ZCCHC17: variants seen among roughly 807,000 people sequenced by gnomAD.
ZCCHC17 encodes the protein zinc finger CCHC-type containing 17, also known as zinc finger CCHC domain-containing protein 17.
Under a neutral mutation model 30.6 loss-of-function variants are expected in ZCCHC17, and 18 were observed. The observed-to-expected ratio is 0.59, with a 90% CI of 0.41 to 0.87. The LOEUF (loss-of-function observed/expected upper bound fraction) is 0.87, where lower values mean the gene tolerates loss of function less well. Ranked by LOEUF, ZCCHC17 falls within the 40% of genes least tolerant of loss-of-function variation. ZCCHC17 has a pLI of 0.00. For synonymous variants in ZCCHC17, 88 were observed against 92.4 expected (o/e 0.95, Z 0.27); for missense variants, 263 against 284.2 (o/e 0.93, Z 0.54).
chr1:31,335,332 A>C (rs1015824754), intron 3 of ZCCHC17, among the ~76,000 whole-genome samples: 1 of 152,228 alleles, frequency 6.6e-6, no homozygotes, highest in Non-Finnish European at 1.5e-5. Flanking sequence ...GACAGACAGG[A>C]AAAGGATGTT....
At chr1:31,350,252 G>A (rs994463727) in intron 7 of ZCCHC17, among the ~76,000 whole-genome samples, 1 of 152,122 alleles carries the variant, frequency 6.6e-6, no homozygotes, top group Non-Finnish European at 1.5e-5. Flanking sequence ...CTTTTGTTGA[G>A]GGGTCATTTT....
At chr1:31,312,877 A>G (rs1646638724) in intron 2 of ZCCHC17, among the ~76,000 whole-genome samples, 1 of 151,484 alleles carries the variant, frequency 6.6e-6, no homozygotes, top group Non-Finnish European at 1.5e-5. Context: ...GGTTCAAGCA[A>G]TTCTCCTGCC....
intron 4 of ZCCHC17, 71 bp downstream of exon 4, chr1:31,337,346 TAGTG>T: frequency 4.5e-6 from 6 of 1,328,374 alleles, no homozygotes; most frequent in South Asian, 2.5e-5. Flanking sequence ...TATTTTATGA[TAGTG>T]AGTGTGTAAA....
intron 1 of ZCCHC17, among the ~76,000 whole-genome samples, chr1:31,303,434 A>G (rs1342230255): frequency 1.3e-5 from 2 of 152,240 alleles, no homozygotes; most frequent in African/African-American, 4.8e-5. Flanking sequence ...GTTCTAGTCA[A>G]TTAGTACTCA....
intron 7 of ZCCHC17, among the ~76,000 whole-genome samples, chr1:31,356,659 A>C (rs1369036085): frequency 6.6e-6 from 1 of 152,198 alleles, no homozygotes. Flanking sequence ...GGCGATAATG[A>C]AAGGAGCAGG....
At chr1:31,317,485 C>A (rs1646764545) in intron 2 of ZCCHC17, among the ~76,000 whole-genome samples, 1 of 152,182 alleles carries the variant, frequency 6.6e-6, no homozygotes, top group Admixed American at 6.5e-5. Context: ...TTGTTATCTG[C>A]AGCAGCAAAG....
intron 3 of ZCCHC17, among the ~76,000 whole-genome samples, chr1:31,334,541 T>C (rs1638740435): frequency 1.3e-5 from 2 of 152,194 alleles, no homozygotes; most frequent in Admixed American, 6.5e-5. Context: ...TCCTCTATTA[T>C]TATTTATTAT....
intron 3 of ZCCHC17, among the ~76,000 whole-genome samples, chr1:31,331,925 A>G (rs1327103301): frequency 6.6e-6 from 1 of 152,092 alleles, no homozygotes; most frequent in Non-Finnish European, 1.5e-5. Flanking sequence ...GGATTTTTTT[A>G]TGAGGAAGTG....
At chr1:31,344,507 T>G (rs1639167346) in intron 5 of ZCCHC17, among the ~76,000 whole-genome samples, 1 of 152,140 alleles carries the variant, frequency 6.6e-6, no homozygotes, top group South Asian at 2.1e-4. Context: ...TCAGAATCTG[T>G]GCTGGGATGG....
intron 3 of ZCCHC17, among the ~76,000 whole-genome samples, chr1:31,336,805 C>T (rs1269901189): frequency 3.3e-5 from 5 of 150,918 alleles, no homozygotes; most frequent in African/African-American, 1.2e-4. Context: ...GCTAGAGCTA[C>T]AGACACGTGC....
At chr1:31,318,049 A>G in intron 2 of ZCCHC17, 2 of 749,130 alleles carry the variant, frequency 2.7e-6, no homozygotes, top group Non-Finnish European at 4.1e-6. Flanking sequence ...AACTCTGTAC[A>G]GTGACATAAG....
At chr1:31,356,462 A>G (rs1192722530) in intron 7 of ZCCHC17, among the ~76,000 whole-genome samples, 1 of 152,252 alleles carries the variant, frequency 6.6e-6, no homozygotes, top group Non-Finnish European at 1.5e-5. Context: ...GAAATAGCCC[A>G]GGATAAGGAA....
At chr1:31,311,508 C>T (rs1262867645) in intron 2 of ZCCHC17, among the ~76,000 whole-genome samples, 1 of 152,304 alleles carries the variant, frequency 6.6e-6, no homozygotes, top group East Asian at 1.9e-4. Flanking sequence ...TTATAAAGAA[C>T]AGAAATTTAT....
intron 7 of ZCCHC17, among the ~76,000 whole-genome samples, chr1:31,362,192 A>G (rs554791956): frequency 6.6e-6 from 1 of 152,348 alleles, no homozygotes; most frequent in African/African-American, 2.4e-5. Flanking sequence ...CGGATGCAGA[A>G]TAGTAAATGG....
chr1:31,343,989 G>T (rs1016653853), intron 5 of ZCCHC17, among the ~76,000 whole-genome samples: 2 of 151,350 alleles, frequency 1.3e-5, no homozygotes, highest in African/African-American at 4.9e-5. Flanking sequence ...CGAGTAGCTG[G>T]GATTACAGGC....
chr1:31,325,772 G>A (rs1014768390), intron 3 of ZCCHC17, among the ~76,000 whole-genome samples: 2 of 152,206 alleles, frequency 1.3e-5, no homozygotes, highest in Non-Finnish European at 2.9e-5. Context: ...TGGGCAGAAC[G>A]AGCCCAGCAG....
intron 7 of ZCCHC17, among the ~76,000 whole-genome samples, chr1:31,358,339 A>T (rs1256624858): frequency 1.3e-5 from 2 of 152,218 alleles, no homozygotes; most frequent in African/African-American, 4.8e-5. Flanking sequence ...GATGGATGTT[A>T]TTAGAGGTTT....
At chr1:31,298,304 G>A (rs968401132) in intron 1 of ZCCHC17, among the ~76,000 whole-genome samples, 2 of 152,056 alleles carry the variant, frequency 1.3e-5, no homozygotes, top group African/African-American at 4.8e-5. Flanking sequence ...TTGAATAGAT[G>A]GTGGTACCAT....
chr1:31,353,150 A>G (rs1639528783), intron 7 of ZCCHC17, among the ~76,000 whole-genome samples: 1 of 152,060 alleles, frequency 6.6e-6, no homozygotes, highest in African/African-American at 2.4e-5. Context: ...TCATGTGCTT[A>G]TTGGCCATAT....
Sources: gnomAD v4.1 joint callset for allele counts (sites outside exome capture counted in the v4.1 genomes callset) on GRCh38, gnomAD v4.1.1 for gene constraint, MANE v1.5 for transcripts, NCBI Gene and HGNC (gene_info 2026-07-23, HGNC 2026-07-21) for gene names.